The following PRUNE2 variants were observed in gnomAD, a reference collection of about 807,000 sequenced individuals.
The protein encoded by PRUNE2 is protein prune homolog 2.
PRUNE2 carries 164 observed loss-of-function variants against 252.0 expected under a neutral mutation model. The ratio of observed to expected loss-of-function variants is 0.65; its 90% CI spans 0.57 to 0.74. The LOEUF (loss-of-function observed/expected upper bound fraction) is 0.74. PRUNE2 is among the 30% of genes least tolerant of loss of function. The probability of loss-of-function intolerance (pLI) is 0.00; values close to 1 mark genes in which losing one functional copy is unlikely to be tolerated. For missense variants in PRUNE2, 3,495 were observed against 3,711.0 expected (o/e 0.94, Z 1.51); for synonymous variants, 1,292 against 1,350.2 (o/e 0.96, Z 0.94).
At chr9:76,737,711 T>C (rs1420605550) in intron 6 of PRUNE2, 1 of 152,238 alleles carries the variant, frequency 6.6e-6, no homozygotes, top group Non-Finnish European at 1.5e-5. Context: ...TTCAATGAAT[T>C]GAAGAATCCA....
At chr9:76,636,342 T>C in intron 15 of PRUNE2, 129 bp downstream of exon 15, 1 of 632,880 alleles carries the variant, frequency 1.6e-6, no homozygotes. Context: ...AGCACCTTTC[T>C]AGGAAAGACA....
At position 76,850,647 on chromosome 9, in the gene PRUNE2, G is replaced by T. The variant is rs770772660; in HGVS notation, c.160C>A (p.Leu54Met). The change falls in exon 3 of 19, where the codon CTG (leucine) becomes ATG (methionine). Residue 54 changes from leucine (L) to methionine (M), a missense_variant. Leu to Met is a conservative substitution (Grantham distance 15, BLOSUM62 2). Transcript: ENST00000376718. ...FLDKVSPPGVLCLPVLNIPRT... is the reference protein window; with the variant it reads ...FLDKVSPPGVMCLPVLNIPRT... The stretch of plus-strand genomic sequence containing the variant: ...GGTATGTTCAGCACTGGTAAACACA[G>T]AACCCCTGGTGGACTGACCTACCAA... The T allele has an allele frequency of 6.2e-7, 1 of 1,613,642 alleles. No individual in the cohort carries two copies. The highest frequency in any genetic ancestry group is 1.7e-5 in the Admixed American group (1 of 59,990).
intron 1 of PRUNE2, among the ~76,000 whole-genome samples, chr9:76,878,243 G>A (rs2061573304): frequency 1.3e-5 from 2 of 152,194 alleles, no homozygotes; most frequent in Non-Finnish European, 2.9e-5. Context: ...CAAAGAGAAG[G>A]AAAAGGGAAG....
At chr9:76,850,866 T>C (rs530699635) in intron 2 of PRUNE2, among the ~76,000 whole-genome samples, 1 of 152,252 alleles carries the variant, frequency 6.6e-6, no homozygotes, top group Admixed American at 6.5e-5. Flanking sequence ...TTTTTTAACC[T>C]CTTGTTACCC....
intron 3 of PRUNE2, among the ~76,000 whole-genome samples, chr9:76,847,377 T>A: frequency 6.7e-6 from 1 of 150,372 alleles, no homozygotes. Context: ...GCACTAAAAA[T>A]GACACTAGAA....
intron 6 of PRUNE2, among the ~76,000 whole-genome samples, chr9:76,764,241 T>C (rs531322888): frequency 9.4e-4 from 135 of 143,782 alleles, no homozygotes; most frequent in Admixed American, 5.8e-3. Context: ...AACAAACAAA[T>C]AAATAAATAA....
chr9:76,642,837 A>G (rs140291949), intron 12 of PRUNE2, among the ~76,000 whole-genome samples: 3 of 152,042 alleles, frequency 2.0e-5, no homozygotes. Flanking sequence ...GCATCTCTCT[A>G]AAGTTCCGGA....
chr9:76,646,880 T>G (rs963291001), intron 11 of PRUNE2, among the ~76,000 whole-genome samples: 1 of 152,178 alleles, frequency 6.6e-6, no homozygotes, highest in African/African-American at 2.4e-5. Flanking sequence ...CAAATTTTAT[T>G]AAAATTCCCT....
chr9:76,905,373 G>T (rs934986437), intron 1 of PRUNE2, among the ~76,000 whole-genome samples: 5 of 152,156 alleles, frequency 3.3e-5, no homozygotes, highest in Admixed American at 3.3e-4. Context: ...CCAATTTACA[G>T]ATGTGAACAG....
chr9:76,712,522 C>G lies in PRUNE2; in HGVS notation c.915+1041G>C, dbSNP rs1411516652. Among the ~76,000 whole-genome samples the G allele has an allele frequency of 5.3e-5, 8 of 152,290 alleles. No homozygotes were observed. In the East Asian group the frequency reaches 9.7e-4, roughly 18 times the overall value. On this transcript the variant is annotated intron_variant, in intron 7 of 18. Coordinates refer to ENST00000376718, the MANE Select transcript of PRUNE2 (RefSeq NM_015225.3). ...GGGGAGAAGAGAGGAGGACTGGGGTCAACTCAAGAGCTTTTAACTCCTTCA... is the reference window on the plus strand; with the variant it reads ...GGGGAGAAGAGAGGAGGACTGGGGTGAACTCAAGAGCTTTTAACTCCTTCA...
intron 9 of PRUNE2, among the ~76,000 whole-genome samples, chr9:76,694,715 CA>C (rs2045210886): frequency 6.6e-6 from 1 of 151,884 alleles, no homozygotes; most frequent in South Asian, 2.1e-4. Flanking sequence ...GTATGCTGGG[CA>C]TTTGAGGAAA....
intron 4 of PRUNE2, among the ~76,000 whole-genome samples, chr9:76,836,381 G>A (rs912243171): frequency 9.4e-6 from 1 of 106,630 alleles, no homozygotes; most frequent in Non-Finnish European, 2.0e-5. Flanking sequence ...AATCAGATAG[G>A]GGGAGGGAGA....
At chr9:76,645,347 T>C (rs768882612) in intron 11 of PRUNE2, among the ~76,000 whole-genome samples, 5 of 152,192 alleles carry the variant, frequency 3.3e-5, no homozygotes, top group African/African-American at 4.8e-5. Flanking sequence ...TCAGAGTCTT[T>C]TGGGGCCCTC....
In PRUNE2 at chr9:76,708,564, G is replaced by A. The variant is rs1352026341; in HGVS notation, c.3710C>T (p.Ser1237Phe). 6.2e-7 allele frequency: 1 copy of A among 1,613,962 alleles called. No individual in the cohort carries two copies. Among genetic ancestry groups the A allele is most frequent in the Non-Finnish European group, 8.5e-7 (1 of 1,179,900 alleles). The change falls in exon 8 of 19, where the codon TCC becomes TTC. Residue 1237 changes from serine to phenylalanine, a missense_variant. By Grantham distance (155) the Ser-to-Phe change is radical (BLOSUM62 -2). Transcript: ENST00000376718. ...KDMSSFMLPG[S>F]SHITDSEQRE... ...TTGCTCTGAATCTGTGATATGTGAG[G>A]AGCCTGGTAACATGAATGATGACAT...
rs150372652 is a variant in PRUNE2, at chr9:76,676,798, G to A, written c.8277-21296C>T. 7.2e-5 allele frequency among the ~76,000 whole-genome samples: 11 copies of A among 152,182 alleles called. No individual in the cohort carries two copies. In the East Asian group the frequency reaches 1.4e-3, roughly 19 times the overall value. On this transcript the variant is annotated intron_variant, in intron 9 of 18. Coordinates refer to ENST00000376718, the MANE Select transcript of PRUNE2 (RefSeq NM_015225.3). ...ATGTCACATCCACTGCCACATAATC[G>A]GGGCTCCTGACATTTTCCAAAATAA...
At chr9:76,767,256 G>T (rs1026970617) in intron 6 of PRUNE2, among the ~76,000 whole-genome samples, 1 of 151,930 alleles carries the variant, frequency 6.6e-6, no homozygotes, top group Non-Finnish European at 1.5e-5. Context: ...GTTCAAGACC[G>T]GCCTGACCAA....
At chr9:76,678,786 C>T (rs999298163) in intron 9 of PRUNE2, among the ~76,000 whole-genome samples, 1 of 152,156 alleles carries the variant, frequency 6.6e-6, no homozygotes, top group African/African-American at 2.4e-5. Flanking sequence ...CGAGATGGTG[C>T]CACTGCACTC....
At chr9:76,777,438 T>C (rs2053923969) in intron 6 of PRUNE2, among the ~76,000 whole-genome samples, 1 of 152,200 alleles carries the variant, frequency 6.6e-6, no homozygotes, top group Non-Finnish European at 1.5e-5. Context: ...CACAGAGCTC[T>C]GAGCTCAGCA....
Position 76,798,639 on chromosome 9 carries a change from G to GA in PRUNE2, c.756+24992dup, listed in dbSNP as rs138854031. 3.3e-4 allele frequency among the ~76,000 whole-genome samples: 50 copies of GA among 151,044 alleles called. No individual in the cohort carries two copies. In the East Asian group the frequency reaches 8.0e-3, roughly 24 times the overall value. The stretch of plus-strand genomic sequence containing the variant: ...AAGTCATTTTTGAAGTGATTGCCAT[G>GA]AAAAAAAAATGCTAAAAATTAAACA... On this transcript the variant is annotated intron_variant, in intron 6 of 18. Coordinates refer to ENST00000376718, the MANE Select transcript of PRUNE2 (RefSeq NM_015225.3).
Sources: gnomAD v4.1 joint callset for allele counts (sites outside exome capture counted in the v4.1 genomes callset) on GRCh38, gnomAD v4.1.1 for gene constraint, MANE v1.5 for transcripts, NCBI Gene and HGNC (gene_info 2026-07-23, HGNC 2026-07-21) for gene names.